The following NDUFB5 variants were observed in gnomAD, a reference collection of about 807,000 sequenced individuals.
The protein encoded by NDUFB5 is NADH:ubiquinone oxidoreductase subunit B5.
In NDUFB5, 19 loss-of-function variants were observed where a neutral mutation model predicts 19.4. The ratio of observed to expected loss-of-function variants is 0.98; its 90% confidence interval spans 0.68 to 1.43. NDUFB5 has a LOEUF of 1.43. Ranked by LOEUF, NDUFB5 falls within the 40% of genes most tolerant of loss-of-function variation. NDUFB5 has a pLI of 0.00. For synonymous variants in NDUFB5, 80 were observed against 82.6 expected, an observed-to-expected ratio of 0.97 and a Z score of 0.17; for missense variants, 233 against 236.5, an observed-to-expected ratio of 0.99 and a Z score of 0.10.
chr3:179,609,816 C>A (rs1293975206), intron 1 of NDUFB5, among the ~76,000 whole-genome samples: 1 of 152,100 alleles, frequency 6.6e-6, no homozygotes, highest in Non-Finnish European at 1.5e-5. Context: ...GTGATGATAT[C>A]ATTGTAGTTT....
At chr3:179,614,191 C>T (rs1424008243) in intron 1 of NDUFB5, among the ~76,000 whole-genome samples, 1 of 152,094 alleles carries the variant, frequency 6.6e-6, no homozygotes, top group African/African-American at 2.4e-5. Flanking sequence ...CCTTGCAGAC[C>T]TTCAAGAGGA....
At chr3:179,620,173 C>T (rs2108402605) in intron 5 of NDUFB5, among the ~76,000 whole-genome samples, 1 of 152,226 alleles carries the variant, frequency 6.6e-6, no homozygotes, top group South Asian at 2.1e-4. Context: ...ATGGTAGTTT[C>T]TTTTGCTGTG....
At chr3:179,611,315 G>A (rs1719234991) in intron 1 of NDUFB5, among the ~76,000 whole-genome samples, 1 of 152,140 alleles carries the variant, frequency 6.6e-6, no homozygotes, top group South Asian at 2.1e-4. Context: ...AAGGATAGAT[G>A]CAAGGAAGAT....
chr3:179,624,842 G>A lies in NDUFB5; in HGVS notation c.*802G>A, dbSNP rs1719633415. On this transcript the variant is annotated 3_prime_UTR_variant, in exon 6 of 6. Coordinates refer to ENST00000259037, the MANE Select transcript of NDUFB5 (RefSeq NM_002492.4). ...GACGAAATCTTGCACTGTCACCCAGGCTAGAGTGCAGTGCCGTGATCTCGG... is the reference window on the plus strand; with the variant it reads ...GACGAAATCTTGCACTGTCACCCAGACTAGAGTGCAGTGCCGTGATCTCGG... The A allele has an allele frequency of 1.4e-5, 2 of 145,408 alleles. No individual in the cohort carries two copies. Among genetic ancestry groups the A allele is most frequent in the Admixed American group, 7.0e-5 (1 of 14,218 alleles). 9.0% of individuals were successfully genotyped at this position (145,408 alleles called of 1,614,324 possible). A position where few individuals can be genotyped will look rare whatever the true frequency, so the allele number is the denominator to read the frequency against.
intron 2 of NDUFB5, chr3:179,615,719 C>T (rs1471181682): frequency 2.2e-5 from 12 of 554,638 alleles, no homozygotes; most frequent in Non-Finnish European, 3.7e-5. Context: ...TGAGCCCTTA[C>T]TTTTCTTGTT....
At chr3:179,607,279 C>A (rs536387838) in intron 1 of NDUFB5, among the ~76,000 whole-genome samples, 27 of 152,164 alleles carry the variant, frequency 1.8e-4, no homozygotes, top group Non-Finnish European at 3.2e-4. Context: ...TAATCTCTTA[C>A]ATGGTTGTTT....
intron 5 of NDUFB5, 68 bp from the exon 6 acceptor site, chr3:179,623,852 G>A: frequency 1.3e-6 from 2 of 1,582,778 alleles, no homozygotes; most frequent in Admixed American, 1.7e-5. Flanking sequence ...TGTCCTTTAT[G>A]GAAATGGCTC....
intron 1 of NDUFB5, among the ~76,000 whole-genome samples, chr3:179,612,267 C>G (rs1055308749): frequency 2.0e-5 from 3 of 150,146 alleles, no homozygotes; most frequent in African/African-American, 7.4e-5. Context: ...GAGGATCTCT[C>G]GATCCCAGGA....
intron 5 of NDUFB5, among the ~76,000 whole-genome samples, chr3:179,620,433 G>C (rs1719505253): frequency 6.6e-6 from 1 of 150,994 alleles, no homozygotes; most frequent in Non-Finnish European, 1.5e-5. Flanking sequence ...CAGTTTCCCA[G>C]CACCATTTAT....
At chr3:179,622,336 T>C (rs1719560540) in intron 5 of NDUFB5, among the ~76,000 whole-genome samples, 1 of 151,860 alleles carries the variant, frequency 6.6e-6, no homozygotes, top group Non-Finnish European at 1.5e-5. Flanking sequence ...TTATTTGACA[T>C]GGGGACTTGC....
At chr3:179,611,248 G>A (rs1719232929) in intron 1 of NDUFB5, among the ~76,000 whole-genome samples, 2 of 152,146 alleles carry the variant, frequency 1.3e-5, no homozygotes, top group African/African-American at 4.8e-5. Flanking sequence ...AAGAAGGCAT[G>A]GAATGAAATG....
chr3:179,623,610 G>A (rs538440294), intron 5 of NDUFB5, among the ~76,000 whole-genome samples: 9 of 152,268 alleles, frequency 5.9e-5, no homozygotes, highest in African/African-American at 2.2e-4. Flanking sequence ...GGAGGTAGAA[G>A]TTGCAGTGAG....
chr3:179,616,547 C>A (rs913450806), intron 3 of NDUFB5, among the ~76,000 whole-genome samples: 193 of 149,820 alleles, frequency 1.3e-3, no homozygotes, highest in African/African-American at 3.9e-3. Context: ...GTCCCCCCCC[C>A]AAAAAAAAAC....
Position 179,624,179 on chromosome 3 carries a change from T to C in NDUFB5, c.*139T>C, listed in dbSNP as rs183909850. 1,891 of 767,858 alleles carry C rather than the reference T, an allele frequency of 2.5e-3. 8 individuals are homozygous for C. The highest frequency in any genetic ancestry group is 9.3e-3 in the Admixed American group (248 of 26,742). The allele number at this position is 767,858 out of a possible 1,614,324, so 47.6% of individuals were successfully genotyped here. A position where few individuals can be genotyped will look rare whatever the true frequency, so the allele number is the denominator to read the frequency against. ...TCTCAGTGTTGGTTCAGATTGAGGC[T>C]TTTGTTTGAGGAGTTTGGCTTCCAG... On this transcript the variant is annotated 3_prime_UTR_variant, in exon 6 of 6. Coordinates refer to ENST00000259037, the MANE Select transcript of NDUFB5 (RefSeq NM_002492.4).
At position 179,608,001 on chromosome 3, in the gene NDUFB5, T is replaced by A. The variant is rs1189823911; in HGVS notation, c.124+3062T>A. Among the ~76,000 whole-genome samples, 3 of 152,044 alleles carry A rather than the reference T, an allele frequency of 2.0e-5. No individual in the cohort carries two copies. The South Asian group carries it at 6.2e-4, about 31-fold the overall frequency. On this transcript the variant is annotated intron_variant, in intron 1 of 5. Transcript: ENST00000259037. Reference sequence around the variant, plus strand: ...GTTGCATCTAGGTTTTGTTTGTTTGTTTGTTTGTTTTGTTTTTGAGACAGA... The same window carrying A: ...GTTGCATCTAGGTTTTGTTTGTTTGATTGTTTGTTTTGTTTTTGAGACAGA...
chr3:179,610,838 T>G (rs1054225392), intron 1 of NDUFB5, among the ~76,000 whole-genome samples: 1 of 152,248 alleles, frequency 6.6e-6, no homozygotes, highest in Non-Finnish European at 1.5e-5. Flanking sequence ...AAGACTGATA[T>G]GCATAAATTA....
chr3:179,614,585 T>G (rs1349528641), intron 1 of NDUFB5, among the ~76,000 whole-genome samples: 1 of 152,184 alleles, frequency 6.6e-6, no homozygotes, highest in Non-Finnish European at 1.5e-5. Flanking sequence ...TGCCTGCTAT[T>G]GAAACAAATT....
At chr3:179,621,680 G>A (rs373485708) in intron 5 of NDUFB5, among the ~76,000 whole-genome samples, 46 of 151,506 alleles carry the variant, frequency 3.0e-4, no homozygotes, top group African/African-American at 9.0e-4. Flanking sequence ...AGTAGAGACC[G>A]GGTTTTGCCA....
Position 179,626,494 on chromosome 3 carries a change from C to T in NDUFB5, c.*2454C>T, listed in dbSNP as rs899831579. 10 of 152,122 alleles carry T rather than the reference C, an allele frequency of 6.6e-5. No individual in the cohort carries two copies. The highest frequency in any genetic ancestry group is 2.4e-4 in the African/African-American group (10 of 41,392). 9.4% of individuals were successfully genotyped at this position (152,122 alleles called of 1,614,324 possible). On this transcript the variant is annotated 3_prime_UTR_variant, in exon 6 of 6. Transcript: ENST00000259037. ...TCAAGTGATCCGCTCACCTTGGCCT[C>T]TCAAAGTGCAGGTACTTTAGGCGTG...
Sources: gnomAD v4.1 joint callset for allele counts (sites outside exome capture counted in the v4.1 genomes callset) on GRCh38, gnomAD v4.1.1 for gene constraint, MANE v1.5 for transcripts, NCBI Gene and HGNC (gene_info 2026-07-23, HGNC 2026-07-21) for gene names.